Variants in PLXNA2 observed in about 807,000 individuals in gnomAD.
PLXNA2 encodes plexin-A2.
A neutral mutation model predicts 193.5 loss-of-function variants in PLXNA2; 91 were observed. The observed-to-expected ratio is 0.47, with a 90% CI of 0.40 to 0.56. The LOEUF (loss-of-function observed/expected upper bound fraction) is 0.56, where lower values mean the gene tolerates loss of function less well. Ranked by LOEUF, PLXNA2 falls within the 20% of genes least tolerant of loss-of-function variation. The pLI is 0.00. For synonymous variants in PLXNA2, 997 were observed against 1,027.3 expected, an observed-to-expected ratio of 0.97 and a Z score of 0.56; for missense variants, 1,995 against 2,503.2, an observed-to-expected ratio of 0.80 and a Z score of 4.33.
intron 2 of PLXNA2, among the ~76,000 whole-genome samples, chr1:208,214,962 T>G (rs187868669): frequency 1.6e-3 from 241 of 151,962 alleles, no homozygotes; most frequent in African/African-American, 4.8e-3. Context: ...TCTCTTCCTC[T>G]CTCTCTCTCT....
intron 3 of PLXNA2, among the ~76,000 whole-genome samples, chr1:208,167,870 C>T (rs941389015): frequency 1.3e-5 from 2 of 152,234 alleles, no homozygotes; most frequent in Non-Finnish European, 2.9e-5. Context: ...CAAGCACCTG[C>T]ATGCTGACCC....
At chr1:208,209,983 A>AATTTTTT (rs34413554) in intron 3 of PLXNA2, 1,488 of 87,834 alleles carry the variant, frequency 0.017, 251 homozygotes, top group Middle Eastern at 0.052. Flanking sequence ...ATGAAGAGCA[A>AATTTTTT]TTTTTTTTTT....
rs1668267165 is a variant in PLXNA2 at position 208,135,192 on chromosome 1, C to A, written c.1506+7137G>T. Reference sequence around the variant, plus strand: ...TGGGGGGTCTCTCCTGCATTTAAGACCTTCAGGAAAGGGTGGCTTTACAAT... The same window carrying A: ...TGGGGGGTCTCTCCTGCATTTAAGAACTTCAGGAAAGGGTGGCTTTACAAT... On this transcript the variant is annotated intron_variant, in intron 4 of 31. Coordinates refer to ENST00000367033, the MANE Select transcript of PLXNA2 (RefSeq NM_025179.4). Among the ~76,000 whole-genome samples the A allele has an allele frequency of 2.0e-5, 3 of 152,152 alleles. No homozygotes were observed. The South Asian group carries it at 6.2e-4, about 32-fold the overall frequency.
At chr1:208,171,883 A>T (rs1328303695) in intron 3 of PLXNA2, among the ~76,000 whole-genome samples, 1 of 151,886 alleles carries the variant, frequency 6.6e-6, no homozygotes, top group African/African-American at 2.4e-5. Context: ...GATGATAATA[A>T]TAGCTCTTAC....
intron 4 of PLXNA2, among the ~76,000 whole-genome samples, chr1:208,128,300 C>T (rs890298740): frequency 6.6e-6 from 1 of 152,104 alleles, no homozygotes; most frequent in East Asian, 1.9e-4. Flanking sequence ...GAAAAATGGG[C>T]AACGTGTTAG....
rs1263833032 is a variant in PLXNA2 at position 208,038,397 on chromosome 1, G to C, written c.4738C>G (p.Arg1580Gly). 2 of 1,613,464 alleles carry C rather than the reference G, an allele frequency of 1.2e-6. No homozygotes were observed. Among genetic ancestry groups the C allele is most frequent in the Admixed American group, 1.7e-5 (1 of 60,022 alleles). The change falls in exon 26 of 32, where the codon CGG (arginine) becomes GGG (glycine). Residue 1580 changes from arginine (R) to glycine (G), a missense_variant. Arg to Gly is a moderately radical substitution (Grantham distance 125). Transcript: ENST00000367033. This position sits in a 1 kb window ranked among gnomAD's most constrained non-coding sequence, Gnocchi z 4.1. Reference sequence around the variant, plus strand: ...TGATAATGCATCAGTGTGTTGAGCCGCTTCCAGTCACCCTCAATCTTGGTG... The same window carrying C: ...TGATAATGCATCAGTGTGTTGAGCCCCTTCCAGTCACCCTCAATCTTGGTG... ...ITTKIEGDWK[R>G]LNTLMHYQVS...
intron 3 of PLXNA2, among the ~76,000 whole-genome samples, chr1:208,182,045 T>TATAG (rs1669858389): frequency 2.8e-5 from 1 of 36,270 alleles, no homozygotes; most frequent in East Asian, 1.0e-3. Flanking sequence ...GCCTGTTCAG[T>TATAG]CTAGCTCAGC....
rs147443514 is a variant in PLXNA2 at position 208,218,227 on chromosome 1, T to A, written c.-80-225A>T. ...TATGCTATAAAATACTTGCTTTTTT[T>A]AAAATTTTATTTTACAAAGCATCTC... On this transcript the variant is annotated intron_variant, in intron 1 of 31. Transcript: ENST00000367033. 2.7e-3 allele frequency: 1,324 copies of A among 497,856 alleles called. 22 individuals are homozygous for A. Among genetic ancestry groups the A allele is most frequent in the South Asian group, 0.019 (711 of 38,300 alleles). The allele number at this position is 497,856 out of a possible 1,614,324, so 30.8% of individuals were successfully genotyped here.
rs377747282 is a variant in PLXNA2, at chr1:208,096,046, G to A, written c.1965C>T (p.Asn655=). ...IFVSTEFKFY[N]CSAHQLCLSC... ...GCACTTACAGTTGGTGGGCACTGCA[G>A]TTGTAAAACTTGAACTCGGTGCTGA... Residue 655 remains asparagine, a synonymous_variant, in exon 8 of 32, where the codon AAC becomes AAT. Transcript: ENST00000367033. The A allele has an allele frequency of 1.2e-6, 2 of 1,613,652 alleles. No homozygotes were observed. The highest frequency in any genetic ancestry group is 1.7e-5 in the Admixed American group (1 of 60,020).
rs1331942555 is a variant in PLXNA2, at chr1:208,125,921, T to C, written c.1506+16408A>G. On this transcript the variant is annotated intron_variant, in intron 4 of 31. Coordinates refer to ENST00000367033, the MANE Select transcript of PLXNA2 (RefSeq NM_025179.4). The stretch of plus-strand genomic sequence containing the variant: ...ATTCAGAGGACTGAATTCACTGTGA[T>C]TGGGGTGGATTGAGATGGTTTTGAG... Among the ~76,000 whole-genome samples the C allele has an allele frequency of 3.3e-5, 5 of 152,118 alleles. No homozygotes were observed. The East Asian group carries it at 9.6e-4, about 29-fold the overall frequency.
At chr1:208,064,482 G>A (rs961161578) in intron 12 of PLXNA2, among the ~76,000 whole-genome samples, 1 of 152,118 alleles carries the variant, frequency 6.6e-6, no homozygotes, top group Non-Finnish European at 1.5e-5. Flanking sequence ...CTGCCCTATC[G>A]GTGGTTCCTT....
At chr1:208,031,410 C>G (rs1263407928) in intron 29 of PLXNA2, 180 bp downstream of exon 29, 12 of 1,340,598 alleles carry the variant, frequency 9.0e-6, no homozygotes, top group Admixed American at 2.8e-5. Flanking sequence ...TTGGCACAGG[C>G]AGCTGGGGAC....
intron 29 of PLXNA2, chr1:208,029,284 G>T: frequency 7.5e-7 from 1 of 1,326,252 alleles, no homozygotes; most frequent in Non-Finnish European, 9.7e-7. Context: ...ACATCCGAGG[G>T]GTGGGCCTGG....
Position 208,045,897 on chromosome 1 carries a change from C to G in PLXNA2, c.3476G>C (p.Gly1159Ala). The change falls in exon 18 of 32, where the codon GGA becomes GCA. Residue 1159 changes from glycine to alanine, a missense_variant. Transcript: ENST00000367033. ...TCCTACCTTCAGAATGATGGGCGAT[C>G]CTGGCTTTTGATCCAAGACTCCAGT... Reference protein sequence around the residue: ...SPTGVLDQKPGSPIILKGKNL... With the variant: ...SPTGVLDQKPASPIILKGKNL... 3.1e-6 allele frequency: 5 copies of G among 1,614,256 alleles called. No individual in the cohort carries two copies. The highest frequency in any genetic ancestry group is 4.2e-6 in the Non-Finnish European group (5 of 1,180,038).
chr1:208,076,969 T>C (rs1160552898), intron 12 of PLXNA2, among the ~76,000 whole-genome samples: 1 of 152,060 alleles, frequency 6.6e-6, no homozygotes, highest in African/African-American at 2.4e-5. Context: ...TAAAATTATT[T>C]CAAGAATGAA....
intron 1 of PLXNA2, among the ~76,000 whole-genome samples, chr1:208,226,687 A>C (rs1671521305): frequency 6.6e-6 from 1 of 152,100 alleles, no homozygotes. Context: ...AATTCCCTTT[A>C]TTATCTAAAG....
intron 3 of PLXNA2, among the ~76,000 whole-genome samples, chr1:208,157,782 A>G (rs986612316): frequency 2.6e-5 from 4 of 152,258 alleles, no homozygotes; most frequent in Non-Finnish European, 5.9e-5. Flanking sequence ...GGTCTGGCCC[A>G]TAATAAAGCT....
intron 12 of PLXNA2, among the ~76,000 whole-genome samples, chr1:208,063,227 C>G (rs1036278702): frequency 5.3e-5 from 8 of 152,236 alleles, no homozygotes; most frequent in African/African-American, 1.9e-4. Flanking sequence ...AAAAATATTT[C>G]TGTCTTGCAG....
intron 3 of PLXNA2, among the ~76,000 whole-genome samples, chr1:208,197,612 G>T (rs1781040): frequency 0.022 from 3,426 of 152,282 alleles, 85 homozygotes; most frequent in East Asian, 0.11. Context: ...AGGCCCAACT[G>T]GGCCCATCAG....
Sources: allele counts gnomAD v4.1 joint callset (sites outside exome capture counted in the v4.1 genomes callset), GRCh38; gene constraint gnomAD v4.1.1; non-coding constraint Gnocchi (gnomAD v3.1); transcripts MANE v1.5; gene names NCBI Gene and HGNC (gene_info 2026-07-23, HGNC 2026-07-21).